Variants in TNRC6A observed in about 807,000 individuals in gnomAD.
TNRC6A encodes the protein trinucleotide repeat-containing gene 6A protein.
In TNRC6A, 44 loss-of-function variants were observed where a neutral mutation model predicts 221.2. The ratio of observed to expected loss-of-function variants is 0.20; its 90% CI spans 0.16 to 0.26. The LOEUF is 0.26. Ranked by LOEUF, TNRC6A falls within the 10% of genes least tolerant of loss-of-function variation. The pLI, the probability that TNRC6A is intolerant of heterozygous loss-of-function variation, is 1.00. For missense variants in TNRC6A, 2,199 were observed against 2,404.4 expected (o/e 0.91, Z 1.79); for synonymous variants, 847 against 838.5 (o/e 1.01, Z -0.18).
At chr16:24,674,876 C>A (rs1041293443) in intron 2 of TNRC6A, among the ~76,000 whole-genome samples, 8 of 152,166 alleles carry the variant, frequency 5.3e-5, no homozygotes, top group African/African-American at 1.9e-4. Flanking sequence ...TGGTAGCTCA[C>A]ACCTGTAATC....
chr16:24,795,214 G>T (rs6497760), intron 8 of TNRC6A, among the ~76,000 whole-genome samples: 2 of 152,038 alleles, frequency 1.3e-5, no homozygotes, highest in Non-Finnish European at 2.9e-5. Flanking sequence ...TTGCTTTTAT[G>T]TGTGGACAAA....
In TNRC6A at chr16:24,789,600, A is replaced by G. The variant is rs1297909159; in HGVS notation, c.958A>G (p.Ile320Val). 1.2e-6 allele frequency: 2 copies of G among 1,614,144 alleles called. No homozygotes were observed. Among genetic ancestry groups the G allele is most frequent in the African/African-American group, 1.3e-5 (1 of 75,078 alleles). Residue 320 changes from isoleucine (I) to valine (V), a missense_variant, in exon 6 of 25, where the codon ATA (isoleucine) becomes GTA (valine). Coordinates refer to ENST00000395799, the MANE Select transcript of TNRC6A (RefSeq NM_014494.4). ...TGPWGFSHGA[I>V]ISTCQVSVDA... The stretch of plus-strand genomic sequence containing the variant: ...GCCATGGGGTTTTTCCCATGGAGCC[A>G]TAATAAGCACATGTCAGGTCTCTGT...
At chr16:24,717,916 G>A (rs113253336) in intron 2 of TNRC6A, among the ~76,000 whole-genome samples, 16,683 of 151,462 alleles carry the variant, frequency 0.11, 1,212 homozygotes, top group Non-Finnish European at 0.17. Context: ...GATTATAGGC[G>A]CGTGCCACCA....
chr16:24,643,744 G>A (rs1041997882), intron 2 of TNRC6A, among the ~76,000 whole-genome samples: 3 of 147,652 alleles, frequency 2.0e-5, no homozygotes, highest in African/African-American at 7.4e-5. Flanking sequence ...CAACAATACA[G>A]TGGGGAAGAA....
chr16:24,693,839 G>T (rs2055804154), intron 2 of TNRC6A, among the ~76,000 whole-genome samples: 1 of 150,636 alleles, frequency 6.6e-6, no homozygotes. Flanking sequence ...TGTCACGGCT[G>T]CAGTGAGCCA....
At chr16:24,720,887 A>G (rs1596544966) in intron 2 of TNRC6A, among the ~76,000 whole-genome samples, 1 of 114,106 alleles carries the variant, frequency 8.8e-6, no homozygotes, top group South Asian at 3.9e-4. Context: ...AAACAAACAG[A>G]AAAAAAAAAA....
chr16:24,804,644 AT>A, intron 12 of TNRC6A, 60 bp from the exon 13 acceptor site: 1 of 1,529,424 alleles, frequency 6.5e-7, no homozygotes. Context: ...TCCTGCAATG[AT>A]TTCTCCCTTC....
At chr16:24,744,611 T>G (rs7194864) in intron 2 of TNRC6A, among the ~76,000 whole-genome samples, 1,622 of 152,276 alleles carry the variant, frequency 0.011, 35 homozygotes, top group African/African-American at 0.037. Context: ...GGAAGCCCCT[T>G]TCAAGCTCAA....
chr16:24,720,716 G>GAA (rs984845041), intron 2 of TNRC6A, among the ~76,000 whole-genome samples: 4 of 122,064 alleles, frequency 3.3e-5, no homozygotes, highest in African/African-American at 9.0e-5. Context: ...AAGAAAGAAA[G>GAA]AAAAAAAAAA....
intron 2 of TNRC6A, among the ~76,000 whole-genome samples, chr16:24,687,806 G>GAGAGGA (rs370554977): frequency 9.6e-5 from 7 of 73,076 alleles, no homozygotes; most frequent in Admixed American, 1.7e-4. Context: ...GAAGGAGAAG[G>GAGAGGA]AGAGGAAGAG....
chr16:24,809,633 G>C, intron 18 of TNRC6A, 152 bp downstream of exon 18: 6 of 933,272 alleles, frequency 6.4e-6, no homozygotes, highest in Non-Finnish European at 8.6e-6. Flanking sequence ...TTAAGTCTTA[G>C]TTACAATAAG....
At chr16:24,614,841 A>AT (rs1900258678) in intron 1 of TNRC6A, among the ~76,000 whole-genome samples, 1 of 152,218 alleles carries the variant, frequency 6.6e-6, no homozygotes, top group Non-Finnish European at 1.5e-5. Context: ...AGAACGAGGC[A>AT]GGTGGATCAA....
chr16:24,708,302 G>A (rs560619541), intron 2 of TNRC6A, among the ~76,000 whole-genome samples: 31 of 150,698 alleles, frequency 2.1e-4, no homozygotes, highest in African/African-American at 3.9e-4. Flanking sequence ...GTGCGGTGGC[G>A]CGATGTCAGC....
At chr16:24,767,634 A>C (rs1026094953) in intron 4 of TNRC6A, among the ~76,000 whole-genome samples, 3 of 152,332 alleles carry the variant, frequency 2.0e-5, no homozygotes, top group Admixed American at 6.5e-5. Flanking sequence ...AAAAGCTTTT[A>C]AAATCTCTAG....
intron 3 of TNRC6A, among the ~76,000 whole-genome samples, chr16:24,751,270 C>T (rs2057131234): frequency 6.6e-6 from 1 of 152,028 alleles, no homozygotes; most frequent in Admixed American, 6.6e-5. Flanking sequence ...ATATGTAATA[C>T]AGAAATAGAG....
At position 24,809,391 on chromosome 16, in the gene TNRC6A, A is replaced by G. The variant is rs763832407; in HGVS notation, c.4582A>G (p.Ile1528Val). 5 of 1,598,562 alleles carry G rather than the reference A, an allele frequency of 3.1e-6. No homozygotes were observed. The highest frequency in any genetic ancestry group is 4.3e-6 in the Non-Finnish European group (5 of 1,170,644). The part of the protein sequence containing the change: ...NLNVNMDMNS[I>V]KEPQSRLRKW... ...GAATGTAAATATGGATATGAACAGT[A>G]TTAAAGAGCCACAGTCAAGACTAAG... Residue 1528 changes from isoleucine (I) to valine (V), a missense_variant, in exon 18 of 25, where the codon ATT (isoleucine) becomes GTT (valine). By Grantham distance (29) the Ile-to-Val change is conservative. This residue lies in a region of TNRC6A where 449 missense variants were observed against 579.7 expected (regional missense o/e 0.77). Coordinates refer to ENST00000395799, the MANE Select transcript of TNRC6A (RefSeq NM_014494.4).
chr16:24,788,867 C>G (rs1346197279), intron 5 of TNRC6A, among the ~76,000 whole-genome samples: 1 of 152,196 alleles, frequency 6.6e-6, no homozygotes, highest in African/African-American at 2.4e-5. Flanking sequence ...CCAGGATGTT[C>G]TTGATCTCCT....
chr16:24,717,770 CTTTTTTTTTT>C (rs71383705), intron 2 of TNRC6A, among the ~76,000 whole-genome samples: 1 of 107,366 alleles, frequency 9.3e-6, no homozygotes, highest in African/African-American at 3.5e-5. Flanking sequence ...TTTTTTTTTT[CTTTTTTTTTT>C]TTTTTTTTTG....
At chr16:24,711,300 G>A (rs1381441931) in intron 2 of TNRC6A, among the ~76,000 whole-genome samples, 4 of 152,210 alleles carry the variant, frequency 2.6e-5, no homozygotes, top group South Asian at 2.1e-4. Context: ...GAGCCACCGC[G>A]CCTGGCCCTC....
Sources: gnomAD v4.1 joint callset for allele counts (sites outside exome capture counted in the v4.1 genomes callset) on GRCh38, gnomAD v4.1.1 for gene constraint, gnomAD v4.1.1 regional missense constraint, MANE v1.5 for transcripts, NCBI Gene and HGNC (gene_info 2026-07-23, HGNC 2026-07-21) for gene names.